Variants in DNAH17 observed in about 807,000 individuals in gnomAD.
DNAH17 encodes dynein axonemal heavy chain 17, also known as axonemal beta dynein heavy chain 17.
In DNAH17, 376 loss-of-function variants were observed where a neutral mutation model predicts 485.6. That is an observed-to-expected ratio of 0.77 (90% CI 0.71 to 0.84). The LOEUF is 0.84. Among genes scored for constraint, DNAH17 ranks in the 40% least tolerant of loss-of-function variants. The probability of loss-of-function intolerance (pLI) is 0.00; values close to 1 mark genes in which losing one functional copy is unlikely to be tolerated. For missense variants in DNAH17, 6,370 were observed against 5,839.3 expected (o/e 1.09, Z -2.96); for synonymous variants, 3,031 against 2,405.9 (o/e 1.26, Z -7.60).
intron 20 of DNAH17, among the ~76,000 whole-genome samples, chr17:78,531,266 T>A (rs1303420228): frequency 6.6e-6 from 1 of 152,072 alleles, no homozygotes; most frequent in Non-Finnish European, 1.5e-5. Context: ...ATCCTCTCGC[T>A]GAGTTGATCC....
chr17:78,514,171 G>C (rs2090713153), intron 26 of DNAH17, among the ~76,000 whole-genome samples: 1 of 152,142 alleles, frequency 6.6e-6, no homozygotes, highest in South Asian at 2.1e-4. Flanking sequence ...CTAATTTGCA[G>C]AGCCCAGTGC....
rs755536158 is a variant in DNAH17 at position 78,444,635 on chromosome 17, G to T, written c.11497C>A (p.Leu3833Met). The change falls in exon 71 of 81, where the codon CTG (leucine) becomes ATG (methionine). Residue 3833 changes from leucine to methionine, a missense_variant. Transcript: ENST00000389840. ...GCGTAGGTCATGCGATCTGGCCGCAGGCAGCGCACCATGCACAGCTTCTGC... is the reference window on the plus strand; with the variant it reads ...GCGTAGGTCATGCGATCTGGCCGCATGCAGCGCACCATGCACAGCTTCTGC... ...ALQKLCMVRC[L>M]RPDRMTYAIK... 21 of 1,593,554 alleles carry T rather than the reference G, an allele frequency of 1.3e-5. No homozygotes were observed. In the South Asian group the frequency reaches 1.9e-4, roughly 15 times the overall value.
chr17:78,522,542 A>G, intron 25 of DNAH17: 1 of 308,074 alleles, frequency 3.2e-6, no homozygotes, highest in Non-Finnish European at 6.4e-6. Context: ...GCCAGCCCCT[A>G]AGTCACACCC....
chr17:78,488,863 A>AGCCAAGGGAT (rs1261479032), intron 44 of DNAH17, among the ~76,000 whole-genome samples: 2 of 151,998 alleles, frequency 1.3e-5, no homozygotes, highest in Non-Finnish European at 2.9e-5. Context: ...TGTGTCCATA[A>AGCCAAGGGAT]GCCAAGGGAT....
intron 65 of DNAH17, among the ~76,000 whole-genome samples, chr17:78,452,360 G>A (rs955379592): frequency 7.2e-5 from 11 of 152,208 alleles, no homozygotes; most frequent in Non-Finnish European, 1.5e-4. Context: ...AACACAATGC[G>A]CCCGGCCACA....
chr17:78,531,569 A>AC (rs1431862857), intron 20 of DNAH17, among the ~76,000 whole-genome samples: 1 of 151,612 alleles, frequency 6.6e-6, no homozygotes, highest in Non-Finnish European at 1.5e-5. Context: ...CGATCTCCTG[A>AC]CCTCACGATC....
chr17:78,487,552 T>G (rs2089666791), intron 44 of DNAH17, among the ~76,000 whole-genome samples: 1 of 152,142 alleles, frequency 6.6e-6, no homozygotes, highest in African/African-American at 2.4e-5. Flanking sequence ...TTTTTCTTCT[T>G]CTGAGATGGA....
intron 79 of DNAH17, 149 bp downstream of exon 79, chr17:78,426,308 C>T: frequency 9.9e-7 from 1 of 1,009,442 alleles, no homozygotes; most frequent in East Asian, 2.9e-5. Flanking sequence ...GGGGCATGGG[C>T]TAGGCCCTTC....
Position 78,494,059 on chromosome 17 carries a change from TC to T in DNAH17, c.6384del (p.Asn2129MetfsTer20). The T allele has an allele frequency of 6.2e-7, 1 of 1,612,480 alleles. No homozygotes were observed. Among genetic ancestry groups the T allele is most frequent in the African/African-American group, 1.3e-5 (1 of 74,978 alleles). Reference sequence around the variant, plus strand: ...ACCTGAGATTTGCCGCTGCCCGCATTCCCGACGATGAACACGGAGTGGCGGA... The same window carrying T: ...ACCTGAGATTTGCCGCTGCCCGCATTCCGACGATGAACACGGAGTGGCGGA... ...LQVRHSVFIV[G>X]NAGSGKSQVL... is the part of the protein sequence containing the mutation. On this transcript the variant is annotated frameshift_variant, in exon 41 of 81. Transcript: ENST00000389840. LOFTEE classifies it high-confidence loss of function.
At chr17:78,498,815 T>G in intron 37 of DNAH17, 193 bp downstream of exon 37, 1 of 471,994 alleles carries the variant, frequency 2.1e-6, no homozygotes, top group Non-Finnish European at 3.8e-6. Context: ...TGTAATCTGA[T>G]TCTGTTTTCA....
chr17:78,541,240 TGGGGGGGTGAGCAGATGGGTGGGG>T (rs2091570947), intron 17 of DNAH17, among the ~76,000 whole-genome samples: 1 of 7,972 alleles, frequency 1.3e-4, no homozygotes, highest in African/African-American at 7.4e-4. Context: ...GATGGGTGGG[TGGGGGGGTGAGCAGATGGGTGGGG>T]GGGTGGGGGG....
In DNAH17 at chr17:78,427,842, G is replaced by A. The variant is rs544921671; in HGVS notation, c.12588+683C>T. On this transcript the variant is annotated intron_variant, in intron 77 of 80. Coordinates refer to ENST00000389840, the MANE Select transcript of DNAH17 (RefSeq NM_173628.4). ...AAATTAGCCAGGTGTGGTGGCAGGC[G>A]CCTGTAATCCCAGCCTGGGAGGCTG... Among the ~76,000 whole-genome samples, 275 of 152,216 alleles carry A rather than the reference G, an allele frequency of 1.8e-3. 3 individuals are homozygous for A. The highest frequency in any genetic ancestry group is 6.2e-3 in the African/African-American group (256 of 41,536).
chr17:78,504,869 A>G (rs1483144875), intron 31 of DNAH17, among the ~76,000 whole-genome samples: 1 of 146,854 alleles, frequency 6.8e-6, no homozygotes, highest in Non-Finnish European at 1.5e-5. Context: ...AAAGCCATGG[A>G]AAGGATTCAA....
At chr17:78,478,954 A>C (rs1171613266) in intron 51 of DNAH17, 71 bp downstream of exon 51, 1 of 1,305,640 alleles carries the variant, frequency 7.7e-7, no homozygotes, top group African/African-American at 1.5e-5. Flanking sequence ...GAGAGCTGTG[A>C]TGAGGAAAGC....
chr17:78,558,417 C>T (rs2092075191), intron 13 of DNAH17, among the ~76,000 whole-genome samples, 163 bp from the exon 14 acceptor site: 1 of 139,182 alleles, frequency 7.2e-6, no homozygotes, highest in African/African-American at 2.7e-5. Flanking sequence ...GACGTTTTCA[C>T]CCTGTTGGCT....
chr17:78,426,406 G>C, intron 79 of DNAH17, 51 bp downstream of exon 79: 1 of 1,522,488 alleles, frequency 6.6e-7, no homozygotes, highest in Non-Finnish European at 8.8e-7. Flanking sequence ...CCGAGCTCTG[G>C]GCACTCGGTC....
At chr17:78,437,543 G>C in intron 74 of DNAH17, 98 bp downstream of exon 74, 2 of 842,612 alleles carry the variant, frequency 2.4e-6, no homozygotes. Flanking sequence ...GGTGTCCCCA[G>C]AGTTCAGAGC....
intron 49 of DNAH17, among the ~76,000 whole-genome samples, 193 bp from the exon 50 acceptor site, chr17:78,479,825 A>T (rs550947893): frequency 6.6e-6 from 1 of 152,242 alleles, no homozygotes; most frequent in East Asian, 1.9e-4. Flanking sequence ...CATGAAACAG[A>T]CAAATTTACT....
intron 37 of DNAH17, among the ~76,000 whole-genome samples, chr17:78,497,870 C>T (rs577246515): frequency 3.3e-5 from 5 of 152,260 alleles, no homozygotes; most frequent in East Asian, 1.9e-4. Flanking sequence ...CAGCCGGGCA[C>T]AACGGCTCAC....
Sources: allele counts gnomAD v4.1 joint callset (sites outside exome capture counted in the v4.1 genomes callset), GRCh38; gene constraint gnomAD v4.1.1; transcripts MANE v1.5; gene names NCBI Gene and HGNC (gene_info 2026-07-23, HGNC 2026-07-21).